Variants in CERS6 observed in about 807,000 individuals in gnomAD.
The protein encoded by CERS6 is ceramide synthase 6.
A neutral mutation model predicts 56.8 loss-of-function variants in CERS6; 26 were observed. That is an observed-to-expected ratio of 0.46 (90% CI 0.34 to 0.63). The LOEUF (loss-of-function observed/expected upper bound fraction) is 0.63, where lower values mean the gene tolerates loss of function less well. CERS6 is among the 30% of genes least tolerant of loss of function. The pLI is 0.01. For missense variants in CERS6, 415 were observed against 467.5 expected, an observed-to-expected ratio of 0.89 and a Z score of 1.04; for synonymous variants, 164 against 173.3, an observed-to-expected ratio of 0.95 and a Z score of 0.42.
chr2:168,766,946 A>G (rs896273802), intron 9 of CERS6, among the ~76,000 whole-genome samples: 1 of 152,084 alleles, frequency 6.6e-6, no homozygotes, highest in Admixed American at 6.5e-5. Flanking sequence ...GCTAAAGTTC[A>G]TTTTTCTCTG....
At chr2:168,491,634 T>C (rs1051910714) in intron 1 of CERS6, among the ~76,000 whole-genome samples, 4 of 152,170 alleles carry the variant, frequency 2.6e-5, no homozygotes, top group African/African-American at 9.6e-5. Flanking sequence ...TAGCTTCTCT[T>C]TTTTTTAAAA....
Position 168,774,590 on chromosome 2 carries a change from A to G in CERS6, c.*4928A>G, listed in dbSNP as rs1684953693. The stretch of plus-strand genomic sequence containing the variant: ...GACAATTTTTTCTTTATCCACAGTA[A>G]TTTTTTGACACTGTCATCATGAAAC... On this transcript the variant is annotated 3_prime_UTR_variant, in exon 10 of 10. Transcript: ENST00000305747. 1.3e-5 allele frequency: 2 copies of G among 151,976 alleles called. No individual in the cohort carries two copies. Among genetic ancestry groups the G allele is most frequent in the Non-Finnish European group, 2.9e-5 (2 of 67,994 alleles). The allele number at this position is 151,976 out of a possible 1,614,324, so 9.4% of individuals were successfully genotyped here.
chr2:168,659,633 GTA>G (rs1475837083), intron 4 of CERS6, among the ~76,000 whole-genome samples: 2 of 151,718 alleles, frequency 1.3e-5, no homozygotes, highest in Non-Finnish European at 2.9e-5. Context: ...TGTTTCCATG[GTA>G]CCTTATCTTA....
At chr2:168,522,539 ATT>A (rs368748705) in intron 1 of CERS6, among the ~76,000 whole-genome samples, 1 of 147,414 alleles carries the variant, frequency 6.8e-6, no homozygotes, top group Non-Finnish European at 1.5e-5. Flanking sequence ...ACTTAGGTGA[ATT>A]TTTTTTTTTT....
chr2:168,531,533 A>G (rs985851306), intron 1 of CERS6, among the ~76,000 whole-genome samples: 1 of 152,120 alleles, frequency 6.6e-6, no homozygotes, highest in Non-Finnish European at 1.5e-5. Context: ...ATTAAAAGTC[A>G]CTGACTGTCC....
At chr2:168,743,544 A>ACT (rs58821973) in intron 8 of CERS6, among the ~76,000 whole-genome samples, 97,118 of 151,856 alleles carry the variant, frequency 0.64, 31,602 homozygotes, top group Admixed American at 0.71. Context: ...CTGAGGCGAG[A>ACT]CTGTCTCAAA....
intron 1 of CERS6, among the ~76,000 whole-genome samples, chr2:168,527,477 G>T (rs1348316131): frequency 2.0e-5 from 3 of 152,128 alleles, no homozygotes; most frequent in African/African-American, 7.2e-5. Flanking sequence ...TCCATTTTAT[G>T]CTGCTGTAAT....
rs76322557 is a variant in CERS6 at position 168,493,226 on chromosome 2, G to C, written c.170+36608G>C. Among the ~76,000 whole-genome samples, 744 of 152,018 alleles carry C rather than the reference G, an allele frequency of 4.9e-3. 7 individuals are homozygous for C. The highest frequency in any genetic ancestry group is 0.018 in the African/African-American group (728 of 41,436). On this transcript the variant is annotated intron_variant, in intron 1 of 9. Transcript: ENST00000305747. ...AAAAAATTTTTTTTCTTTCAGATCA[G>C]CCCCAGTAGCTTCTCAGATCCACCT... is the stretch of plus-strand genomic sequence containing the variant.
intron 4 of CERS6, among the ~76,000 whole-genome samples, chr2:168,687,269 A>G (rs563649043): frequency 9.2e-5 from 14 of 152,374 alleles, no homozygotes; most frequent in African/African-American, 3.4e-4. Context: ...GAAATAATTC[A>G]TTAATTCATT....
At chr2:168,586,987 A>G (rs1193036358) in intron 3 of CERS6, among the ~76,000 whole-genome samples, 1 of 152,148 alleles carries the variant, frequency 6.6e-6, no homozygotes, top group Admixed American at 6.6e-5. Flanking sequence ...CCTGGCCAAC[A>G]TGGTGAAACC....
intron 1 of CERS6, among the ~76,000 whole-genome samples, chr2:168,512,876 C>T (rs1694813990): frequency 6.6e-6 from 1 of 152,066 alleles, no homozygotes; most frequent in South Asian, 2.1e-4. Context: ...CCATGTTGGC[C>T]AGGCTGGTCT....
intron 3 of CERS6, among the ~76,000 whole-genome samples, chr2:168,576,462 A>G (rs1045146483): frequency 5.9e-5 from 9 of 152,182 alleles, no homozygotes; most frequent in Admixed American, 1.3e-4. Context: ...CTGGGGAAGG[A>G]CACAGTAGAC....
intron 2 of CERS6, among the ~76,000 whole-genome samples, chr2:168,560,397 T>C (rs2105381218): frequency 6.6e-6 from 1 of 152,314 alleles, no homozygotes; most frequent in East Asian, 1.9e-4. Flanking sequence ...TGTTGCAATA[T>C]AATTTAGGTT....
At chr2:168,742,387 G>A (rs1453420501) in intron 8 of CERS6, among the ~76,000 whole-genome samples, 1 of 152,172 alleles carries the variant, frequency 6.6e-6, no homozygotes, top group Non-Finnish European at 1.5e-5. Context: ...GTGAGGAATA[G>A]CCCTGTTTGG....
At chr2:168,662,358 G>A (rs1026365458) in intron 4 of CERS6, among the ~76,000 whole-genome samples, 25 of 152,162 alleles carry the variant, frequency 1.6e-4, no homozygotes, top group African/African-American at 4.3e-4. Context: ...GAGAGGAGGG[G>A]TTGCTGTAAA....
intron 1 of CERS6, among the ~76,000 whole-genome samples, chr2:168,490,842 G>A (rs923045929): frequency 6.6e-6 from 1 of 151,224 alleles, no homozygotes; most frequent in Non-Finnish European, 1.5e-5. Flanking sequence ...TATGATGATA[G>A]TGTGTATAAT....
At chr2:168,649,709 C>T (rs1834271) in intron 4 of CERS6, among the ~76,000 whole-genome samples, 51,798 of 151,870 alleles carry the variant, frequency 0.34, 11,366 homozygotes, top group African/African-American at 0.61. Context: ...TGGCTTACCC[C>T]TCTGATTACA....
intron 4 of CERS6, among the ~76,000 whole-genome samples, chr2:168,661,624 G>A (rs528661968): frequency 6.6e-6 from 1 of 152,300 alleles, no homozygotes; most frequent in Admixed American, 6.5e-5. Context: ...TTTCGCTCAA[G>A]ATAGAGAAGT....
chr2:168,649,559 T>C (rs1685292778), intron 4 of CERS6, among the ~76,000 whole-genome samples: 1 of 152,190 alleles, frequency 6.6e-6, no homozygotes, highest in South Asian at 2.1e-4. Flanking sequence ...TCTCCTTCTG[T>C]ATTTTTTTAA....
Sources: gnomAD v4.1 joint callset for allele counts (sites outside exome capture counted in the v4.1 genomes callset) on GRCh38, gnomAD v4.1.1 for gene constraint, MANE v1.5 for transcripts, NCBI Gene and HGNC (gene_info 2026-07-23, HGNC 2026-07-21) for gene names.